The following BCAS3 variants were observed in gnomAD, a reference collection of about 807,000 sequenced individuals.
BCAS3 encodes BCAS4/BCAS3 fusion.
BCAS3 carries 53 observed loss-of-function variants against 116.1 expected under a neutral mutation model. That is an observed-to-expected ratio of 0.46 (90% confidence interval 0.37 to 0.57). The LOEUF is 0.57. BCAS3 is among the 20% of genes least tolerant of loss of function. The pLI, the probability that BCAS3 is intolerant of heterozygous loss-of-function variation, is 0.00. For synonymous variants in BCAS3, 391 were observed against 408.2 expected (o/e 0.96, Z 0.51); for missense variants, 917 against 1,165.4 (o/e 0.79, Z 3.10).
chr17:61,037,841 T>C lies in BCAS3; in HGVS notation c.1763-48T>C, dbSNP rs1272218606. The stretch of plus-strand genomic sequence containing the variant: ...TTAACTTGTAAAAATTATTCTGTGC[T>C]CCATTTATGCCATCATAACACATCG... On this transcript the variant is annotated intron_variant, in intron 17 of 23. Transcript: ENST00000407086. This position sits in a 1 kb window ranked among gnomAD's most constrained non-coding sequence, Gnocchi z 4.7. The C allele has an allele frequency of 1.3e-6, 2 of 1,533,286 alleles. No individual in the cohort carries two copies. The highest frequency in any genetic ancestry group is 3.5e-5 in the Admixed American group (2 of 56,846). The allele number at this position is 1,533,286 out of a possible 1,614,324, so 95.0% of individuals were successfully genotyped here.
At position 60,679,545 on chromosome 17, in the gene BCAS3, G is replaced by A; in HGVS notation, c.83+5G>A. Reference sequence around the variant, plus strand: ...GGTTCGCCCCCAGGCTGTCACGTAAGCACATTTCAGATAAACCCAATAGCT... The same window carrying A: ...GGTTCGCCCCCAGGCTGTCACGTAAACACATTTCAGATAAACCCAATAGCT... On this transcript the variant is annotated splice_donor_5th_base_variant and intron_variant, in intron 2 of 23. Transcript: ENST00000407086. The A allele has an allele frequency of 6.2e-7, 1 of 1,605,086 alleles. No individual in the cohort carries two copies. Among genetic ancestry groups the A allele is most frequent in the Non-Finnish European group, 8.5e-7 (1 of 1,172,436 alleles).
intron 7 of BCAS3, among the ~76,000 whole-genome samples, chr17:60,812,566 T>C (rs932475858): frequency 3.3e-5 from 5 of 152,146 alleles, no homozygotes; most frequent in African/African-American, 1.2e-4. Flanking sequence ...ATTAAGTTGC[T>C]CCAGGGGAGG....
intron 6 of BCAS3, among the ~76,000 whole-genome samples, chr17:60,794,470 A>G (rs934367259): frequency 6.6e-6 from 1 of 152,180 alleles, no homozygotes; most frequent in Non-Finnish European, 1.5e-5. Flanking sequence ...TGGTCATGAT[A>G]TCTTGCCTAA....
chr17:60,861,929 G>A (rs887449119), intron 7 of BCAS3, among the ~76,000 whole-genome samples: 4 of 152,146 alleles, frequency 2.6e-5, no homozygotes, highest in Non-Finnish European at 5.9e-5. Context: ...TGTTCATCAG[G>A]GATATTGGCC....
rs1399355056 is a variant in BCAS3, at chr17:61,115,915, C to A, written c.2425+31351C>A. 5.9e-4 allele frequency among the ~76,000 whole-genome samples: 89 copies of A among 151,614 alleles called. No individual in the cohort carries two copies. The South Asian group carries it at 0.014, about 24-fold the overall frequency. ...ACCATGGAATACTATGCAGCCATAA[C>A]AAATGATGAGTTCATGTCCTTTGTA... On this transcript the variant is annotated intron_variant, in intron 22 of 23. Transcript: ENST00000407086.
chr17:60,787,824 A>G (rs538992716), intron 6 of BCAS3, among the ~76,000 whole-genome samples: 25 of 152,156 alleles, frequency 1.6e-4, no homozygotes, highest in Non-Finnish European at 2.9e-5. Context: ...ATACTCCAGT[A>G]TGGGTGCAGA....
chr17:60,889,249 T>G (rs2056966314), intron 9 of BCAS3, among the ~76,000 whole-genome samples: 2 of 152,242 alleles, frequency 1.3e-5, no homozygotes, highest in Non-Finnish European at 2.9e-5. Context: ...AAATACTTGT[T>G]CTTTTTCTCT....
intron 22 of BCAS3, among the ~76,000 whole-genome samples, chr17:61,336,056 G>A (rs1225110822): frequency 2.6e-5 from 4 of 152,152 alleles, no homozygotes; most frequent in Non-Finnish European, 5.9e-5. Flanking sequence ...CTTTCCTTTC[G>A]CGCCTCCAGC....
In BCAS3 at chr17:60,979,705, AG is replaced by A. The variant is rs1425924939; in HGVS notation, c.1222-10263del. On this transcript the variant is annotated intron_variant, in intron 14 of 23. Coordinates refer to ENST00000407086, the MANE Select transcript of BCAS3 (RefSeq NM_017679.5). Reference sequence around the variant, plus strand: ...AACTTATTGAGAGTTTTTAGCATGAAGGGTTGTTGAATTTTGTCAGAGGCCT... The same window carrying A: ...AACTTATTGAGAGTTTTTAGCATGAAGGTTGTTGAATTTTGTCAGAGGCCT... 4.6e-5 allele frequency among the ~76,000 whole-genome samples: 7 copies of A among 151,866 alleles called. No homozygotes were observed. In the South Asian group the frequency reaches 8.3e-4, roughly 18 times the overall value.
rs897536728 is a variant in BCAS3, at chr17:61,300,963, A to G, written c.2426-67364A>G. On this transcript the variant is annotated intron_variant, in intron 22 of 23. Transcript: ENST00000407086. This position sits in a 1 kb window ranked among gnomAD's most constrained non-coding sequence, Gnocchi z 5.1. ...TTTCTCAGAATATTTTTAAATAAAT[A>G]AAGTGTGTAGGAACATAATTACCAA... Among the ~76,000 whole-genome samples, 1 of 152,222 alleles carries G rather than the reference A, an allele frequency of 6.6e-6. No homozygotes were observed. The highest frequency in any genetic ancestry group is 1.5e-5 in the Non-Finnish European group (1 of 68,048).
chr17:61,256,456 A>G lies in BCAS3; in HGVS notation c.2426-111871A>G. Among the ~76,000 whole-genome samples, 1 of 152,088 alleles carries G rather than the reference A, an allele frequency of 6.6e-6. No homozygotes were observed. The highest frequency in any genetic ancestry group is 2.4e-5 in the African/African-American group (1 of 41,418). On this transcript the variant is annotated intron_variant, in intron 22 of 23. Transcript: ENST00000407086. The surrounding 1 kb of genome is among the most constrained non-coding windows in gnomAD (Gnocchi z 5.6). Reference sequence around the variant, plus strand: ...GTAGCTGGGATTACAGGCGTGGGCCACCATACCTGGCTAATTTTTGTATTT... The same window carrying G: ...GTAGCTGGGATTACAGGCGTGGGCCGCCATACCTGGCTAATTTTTGTATTT...
intron 11 of BCAS3, among the ~76,000 whole-genome samples, chr17:60,909,801 A>G (rs1479204776): frequency 2.0e-5 from 3 of 152,174 alleles, no homozygotes; most frequent in Non-Finnish European, 2.9e-5. Flanking sequence ...AGTTTTACTT[A>G]TATGTTTTGA....
At chr17:60,742,387 A>G (rs1451025558) in intron 5 of BCAS3, among the ~76,000 whole-genome samples, 3 of 149,160 alleles carry the variant, frequency 2.0e-5, no homozygotes, top group Non-Finnish European at 4.5e-5. Flanking sequence ...AAAGTAATCT[A>G]TTCAGCATTT....
intron 7 of BCAS3, among the ~76,000 whole-genome samples, chr17:60,812,323 T>C (rs1182281001): frequency 6.6e-6 from 1 of 151,382 alleles, no homozygotes; most frequent in Admixed American, 6.6e-5. Flanking sequence ...CATATAGGAG[T>C]TTGCAAAAAA....
intron 22 of BCAS3, among the ~76,000 whole-genome samples, chr17:61,182,093 C>T (rs963720022): frequency 1.3e-5 from 2 of 152,124 alleles, no homozygotes; most frequent in African/African-American, 4.8e-5. Context: ...CTGTTGGTCT[C>T]AAACTCCTGG....
At chr17:61,335,211 G>A (rs997369584) in intron 22 of BCAS3, among the ~76,000 whole-genome samples, 5 of 152,242 alleles carry the variant, frequency 3.3e-5, no homozygotes, top group African/African-American at 1.2e-4. Flanking sequence ...GGCCTTGTGT[G>A]TGCTCTGTAC....
At chr17:61,152,682 T>G (rs1423648307) in intron 22 of BCAS3, among the ~76,000 whole-genome samples, 1 of 152,084 alleles carries the variant, frequency 6.6e-6, no homozygotes, top group Non-Finnish European at 1.5e-5. Context: ...TTATTAATAT[T>G]ATTGTAAAGA....
chr17:61,269,960 C>T (rs1381782491), intron 22 of BCAS3, among the ~76,000 whole-genome samples: 2 of 151,822 alleles, frequency 1.3e-5, no homozygotes, highest in African/African-American at 2.4e-5. Flanking sequence ...CGTGCCACCA[C>T]GCCTGGCTAA....
In BCAS3 at chr17:61,122,771, A is replaced by G. The variant is rs2075849362; in HGVS notation, c.2425+38207A>G. ...AGCAAAAATAAATTCAAGAATATGT[A>G]TATATGATGTTCATATATTTAGCAT... is the stretch of plus-strand genomic sequence containing the variant. On this transcript the variant is annotated intron_variant, in intron 22 of 23. Transcript: ENST00000407086. This position sits in a 1 kb window ranked among gnomAD's most constrained non-coding sequence, Gnocchi z 4.6. 6.6e-6 allele frequency among the ~76,000 whole-genome samples: 1 copy of G among 152,232 alleles called. No individual in the cohort carries two copies.
Sources: allele counts gnomAD v4.1 joint callset (sites outside exome capture counted in the v4.1 genomes callset), GRCh38; gene constraint gnomAD v4.1.1; non-coding constraint Gnocchi (gnomAD v3.1); transcripts MANE v1.5; gene names NCBI Gene and HGNC (gene_info 2026-07-23, HGNC 2026-07-21).